GUCY1B1: variants seen among roughly 807,000 people sequenced by gnomAD.
GUCY1B1 encodes guanylate cyclase soluble subunit beta-1.
Under a neutral mutation model 71.0 loss-of-function variants are expected in GUCY1B1, and 43 were observed. That is an observed-to-expected ratio of 0.61 (90% CI 0.47 to 0.78). The LOEUF (loss-of-function observed/expected upper bound fraction) is 0.78. Ranked by LOEUF, GUCY1B1 falls within the 30% of genes least tolerant of loss-of-function variation. The pLI is 0.00. For missense variants in GUCY1B1, 535 were observed against 754.1 expected (o/e 0.71, Z 3.40); for synonymous variants, 266 against 259.7 (o/e 1.02, Z -0.23).
At chr4:155,806,088 T>C (rs1386317472) in intron 13 of GUCY1B1, among the ~76,000 whole-genome samples, 1 of 152,198 alleles carries the variant, frequency 6.6e-6, no homozygotes, top group Non-Finnish European at 1.5e-5. Context: ...CTAAAGGGAA[T>C]AGAATGCCAG....
intron 5 of GUCY1B1, among the ~76,000 whole-genome samples, chr4:155,790,639 T>A (rs1739093215): frequency 6.6e-6 from 1 of 152,154 alleles, no homozygotes; most frequent in Admixed American, 6.5e-5. Flanking sequence ...GAGGCCAAAG[T>A]GGGGAGATAG....
chr4:155,766,440 T>C (rs893166661), intron 2 of GUCY1B1, among the ~76,000 whole-genome samples: 2 of 152,190 alleles, frequency 1.3e-5, no homozygotes, highest in African/African-American at 4.8e-5. Context: ...TCTTTTTTTG[T>C]AGTGAGAACA....
rs79508583 is a variant in GUCY1B1, at chr4:155,763,782, C to T, written c.77+3922C>T. Among the ~76,000 whole-genome samples, 55 of 152,262 alleles carry T rather than the reference C, an allele frequency of 3.6e-4. 1 individual carries two copies. In the East Asian group the frequency reaches 9.8e-3, roughly 27 times the overall value. On this transcript the variant is annotated intron_variant, in intron 2 of 13. Coordinates refer to ENST00000264424, the MANE Select transcript of GUCY1B1 (RefSeq NM_000857.5). Reference sequence around the variant, plus strand: ...TTCCAAGTTGCCTAAACTTTCCAATCCTCCATTGCATAGAGGAAAAAATAA... The same window carrying T: ...TTCCAAGTTGCCTAAACTTTCCAATTCTCCATTGCATAGAGGAAAAAATAA...
chr4:155,792,102 T>C (rs1318420164), intron 5 of GUCY1B1, among the ~76,000 whole-genome samples: 1 of 152,238 alleles, frequency 6.6e-6, no homozygotes, highest in Non-Finnish European at 1.5e-5. Context: ...TTTATAGGTA[T>C]ATTTTATGTG....
chr4:155,796,704 A>G (rs1055086754), intron 8 of GUCY1B1, among the ~76,000 whole-genome samples, 194 bp downstream of exon 8: 57 of 152,208 alleles, frequency 3.7e-4, no homozygotes, highest in African/African-American at 1.3e-3. Flanking sequence ...AAGAAATCAC[A>G]TACTCTATGT....
At chr4:155,766,079 A>G (rs1737315209) in intron 2 of GUCY1B1, among the ~76,000 whole-genome samples, 1 of 152,144 alleles carries the variant, frequency 6.6e-6, no homozygotes, top group Admixed American at 6.5e-5. Context: ...CTATGTATTC[A>G]ATAAAATATC....
Position 155,803,781 on chromosome 4 carries a change from G to A in GUCY1B1, c.1554+17G>A, listed in dbSNP as rs748813420. The A allele has an allele frequency of 1.3e-6, 2 of 1,516,996 alleles. No homozygotes were observed. The highest frequency in any genetic ancestry group is 1.8e-6 in the Non-Finnish European group (2 of 1,128,118). The allele number at this position is 1,516,996 out of a possible 1,614,324, so 94.0% of individuals were successfully genotyped here. The stretch of plus-strand genomic sequence containing the variant: ...TCTGTTCAGGTTAGTAAATGAAGTA[G>A]ATATTGTAATAATGGTATGTAAACC... On this transcript the variant is annotated intron_variant, in intron 11 of 13. Transcript: ENST00000264424.
intron 3 of GUCY1B1, among the ~76,000 whole-genome samples, chr4:155,776,159 A>G (rs1208101885): frequency 6.6e-6 from 1 of 152,208 alleles, no homozygotes; most frequent in Non-Finnish European, 1.5e-5. Context: ...TACATTTTAA[A>G]TGTGATGGTA....
At chr4:155,774,861 A>C (rs1737935025) in intron 2 of GUCY1B1, 107 bp from the exon 3 acceptor site, 1 of 721,854 alleles carries the variant, frequency 1.4e-6, no homozygotes, top group Non-Finnish European at 2.4e-6. Flanking sequence ...AAAAAACCAA[A>C]TTCTATTTCA....
chr4:155,777,394 G>T, intron 3 of GUCY1B1, 130 bp from the exon 4 acceptor site: 1 of 628,952 alleles, frequency 1.6e-6, no homozygotes, highest in Non-Finnish European at 2.8e-6. Context: ...TTTTTCATAT[G>T]ATCTATGCTT....
intron 3 of GUCY1B1, among the ~76,000 whole-genome samples, chr4:155,776,547 G>C (rs1421068418): frequency 1.3e-5 from 2 of 152,028 alleles, no homozygotes; most frequent in Non-Finnish European, 2.9e-5. Context: ...GTGGGTTCCT[G>C]TGGTCCCAGC....
At chr4:155,774,851 A>C in intron 2 of GUCY1B1, 117 bp from the exon 3 acceptor site, 1 of 694,292 alleles carries the variant, frequency 1.4e-6, no homozygotes, top group Admixed American at 2.6e-5. Context: ...AATTTGCCCA[A>C]AAAAACCAAA....
intron 6 of GUCY1B1, 111 bp downstream of exon 6, chr4:155,794,197 G>A: frequency 1.7e-6 from 1 of 606,030 alleles, no homozygotes; most frequent in Non-Finnish European, 2.9e-6. Context: ...TAGGTAATAT[G>A]CAGTTTATTG....
chr4:155,780,753 G>A (rs929226194), intron 4 of GUCY1B1, among the ~76,000 whole-genome samples: 1 of 150,412 alleles, frequency 6.6e-6, no homozygotes, highest in East Asian at 1.9e-4. Context: ...TTTTTTTTAC[G>A]GATGAATCAT....
At chr4:155,780,774 A>G (rs1359417311) in intron 4 of GUCY1B1, among the ~76,000 whole-genome samples, 1 of 152,196 alleles carries the variant, frequency 6.6e-6, no homozygotes, top group African/African-American at 2.4e-5. Flanking sequence ...AGATTGAAAT[A>G]TAAAAGAAGA....
At chr4:155,780,784 A>G (rs1738366008) in intron 4 of GUCY1B1, among the ~76,000 whole-genome samples, 1 of 152,180 alleles carries the variant, frequency 6.6e-6, no homozygotes, top group Non-Finnish European at 1.5e-5. Context: ...ATAAAAGAAG[A>G]GACATACACT....
At chr4:155,775,639 A>G (rs961614331) in intron 3 of GUCY1B1, among the ~76,000 whole-genome samples, 1 of 152,212 alleles carries the variant, frequency 6.6e-6, no homozygotes, top group Non-Finnish European at 1.5e-5. Context: ...TCAGGAAGGA[A>G]AGAGAATTAT....
At chr4:155,767,923 A>G (rs1003385239) in intron 2 of GUCY1B1, among the ~76,000 whole-genome samples, 1 of 152,190 alleles carries the variant, frequency 6.6e-6, no homozygotes, top group Non-Finnish European at 1.5e-5. Flanking sequence ...ACAATGCAAC[A>G]TTATGGTACC....
At chr4:155,780,563 A>T (rs1738348664) in intron 4 of GUCY1B1, among the ~76,000 whole-genome samples, 1 of 152,224 alleles carries the variant, frequency 6.6e-6, no homozygotes, top group South Asian at 2.1e-4. Flanking sequence ...ATAATCTCTT[A>T]ATGTTTGTAC....
Sources: gnomAD v4.1 joint callset for allele counts (sites outside exome capture counted in the v4.1 genomes callset) on GRCh38, gnomAD v4.1.1 for gene constraint, MANE v1.5 for transcripts, NCBI Gene and HGNC (gene_info 2026-07-23, HGNC 2026-07-21) for gene names.